ZGPAT: variants seen among roughly 807,000 people sequenced by gnomAD.
ZGPAT encodes the protein zinc finger CCCH-type and G-patch domain containing.
A neutral mutation model predicts 47.9 loss-of-function variants in ZGPAT; 39 were observed. That is an observed-to-expected ratio of 0.81 (90% CI 0.63 to 1.06). ZGPAT has a LOEUF of 1.06. ZGPAT is among the 50% of genes least tolerant of loss of function. The pLI is 0.00. For missense variants in ZGPAT, 717 were observed against 681.4 expected (o/e 1.05, Z -0.58); for synonymous variants, 348 against 292.9 (o/e 1.19, Z -1.92).
chr20:63,717,167 C>A (rs2091737470), intron 2 of ZGPAT, among the ~76,000 whole-genome samples: 1 of 152,000 alleles, frequency 6.6e-6, no homozygotes, highest in Non-Finnish European at 1.5e-5. Context: ...TTTTGTTGAT[C>A]TTTTTTGTTG....
Position 63,735,002 on chromosome 20 carries a change from C to T in ZGPAT, c.992-157C>T, listed in dbSNP as rs541140181. On this transcript the variant is annotated intron_variant, in intron 5 of 6. Transcript: ENST00000355969. The stretch of plus-strand genomic sequence containing the variant: ...CCCGCGGCCACAGCACTGCCATCCC[C>T]GTGCTCCTCAGATTCCCAGGGTCCT... 164 of 1,326,128 alleles carry T rather than the reference C, an allele frequency of 1.2e-4. 2 individuals are homozygous for T. The South Asian group carries it at 1.4e-3, about 11-fold the overall frequency. The allele number at this position is 1,326,128 out of a possible 1,614,324, so 82.1% of individuals were successfully genotyped here.
At position 63,733,238 on chromosome 20, in the gene ZGPAT, GTC is replaced by G. The variant is rs772661355; in HGVS notation, c.610_611del (p.Leu204GlyfsTer2). On this transcript the variant is annotated frameshift_variant, in exon 3 of 7. Coordinates refer to ENST00000355969, the MANE Select transcript of ZGPAT (RefSeq NM_181485.3). LOFTEE classifies it high-confidence loss of function. ...CTGCAGGTTCTCCCATGGGCAGGTG[GTC>G]TCTCTGGATGAGCTGCGCCCCTTCC... is the stretch of plus-strand genomic sequence containing the variant. ...ENCRFSHGQV[V>X]SLDELRPFQD... The G allele has an allele frequency of 1.5e-5, 25 of 1,613,560 alleles. No homozygotes were observed. The highest frequency in any genetic ancestry group is 4.0e-5 in the African/African-American group (3 of 74,904).
chr20:63,726,480 C>T (rs1448838168), intron 2 of ZGPAT, among the ~76,000 whole-genome samples: 1 of 150,494 alleles, frequency 6.6e-6, no homozygotes, highest in Non-Finnish European at 1.5e-5. Context: ...GGATTACAGG[C>T]ATGAGCCCGG....
At chr20:63,712,835 G>A (rs534580382) in intron 2 of ZGPAT, among the ~76,000 whole-genome samples, 14 of 152,218 alleles carry the variant, frequency 9.2e-5, no homozygotes, top group Admixed American at 9.2e-4. Context: ...GGAGGAGGTT[G>A]CAGTGAGCTG....
chr20:63,732,507 G>A (rs1182920894), intron 2 of ZGPAT, among the ~76,000 whole-genome samples: 1 of 143,552 alleles, frequency 7.0e-6, no homozygotes, highest in Non-Finnish European at 1.6e-5. Context: ...GTGAGGGCAC[G>A]TGTGCGCGCG....
chr20:63,735,853 T>G lies in ZGPAT; in HGVS notation c.1470T>G (p.Ala490=), dbSNP rs2091984923. The G allele has an allele frequency of 1.2e-6, 2 of 1,612,766 alleles. No homozygotes were observed. The highest frequency in any genetic ancestry group is 1.3e-5 in the African/African-American group (1 of 75,052). The part of the protein sequence containing the change: ...GAQRQLGQLR[A]QEAGLQQEQR... ...AGCGCCAGCTGGGGCAGCTCCGGGC[T>G]CAGGAAGCCGGCCTGCAGCAGGAGC... Residue 490 remains alanine (A), a synonymous_variant, in exon 7 of 7, where the codon GCT becomes GCG. Coordinates refer to ENST00000355969, the MANE Select transcript of ZGPAT (RefSeq NM_181485.3).
intron 2 of ZGPAT, among the ~76,000 whole-genome samples, chr20:63,724,363 T>TAAAAAAAA (rs59890523): frequency 1.6e-5 from 2 of 124,654 alleles, no homozygotes; most frequent in African/African-American, 6.1e-5. Context: ...AGACTCTGCC[T>TAAAAAAAA]AAAAAAAAAA....
intron 2 of ZGPAT, among the ~76,000 whole-genome samples, chr20:63,724,923 T>A (rs528238896): frequency 6.6e-6 from 1 of 151,712 alleles, no homozygotes; most frequent in African/African-American, 2.4e-5. Context: ...GATCTGCCTG[T>A]CCTGGCCTCC....
chr20:63,712,859 G>A (rs1175694716), intron 2 of ZGPAT, among the ~76,000 whole-genome samples: 1 of 152,016 alleles, frequency 6.6e-6, no homozygotes, highest in African/African-American at 2.4e-5. Context: ...TCATGCCACT[G>A]CACTCCAGCC....
At chr20:63,715,637 G>T (rs1033400282) in intron 2 of ZGPAT, among the ~76,000 whole-genome samples, 2 of 152,128 alleles carry the variant, frequency 1.3e-5, no homozygotes, top group African/African-American at 4.8e-5. Flanking sequence ...CATCTGTATT[G>T]ATAAGGGATA....
At chr20:63,709,331 G>C (rs1208569773) in intron 2 of ZGPAT, among the ~76,000 whole-genome samples, 167 bp downstream of exon 2, 1 of 152,162 alleles carries the variant, frequency 6.6e-6, no homozygotes, top group Non-Finnish European at 1.5e-5. Context: ...CTTCCTTCTG[G>C]GGTGAATCAA....
At chr20:63,733,153 G>A in intron 2 of ZGPAT, 66 bp from the exon 3 acceptor site, 8 of 1,582,808 alleles carry the variant, frequency 5.1e-6, no homozygotes, top group Non-Finnish European at 6.9e-6. Context: ...ATGGGTCAGT[G>A]CTCCTGGGTT....
intron 2 of ZGPAT, among the ~76,000 whole-genome samples, chr20:63,722,271 G>A (rs902835480): frequency 9.9e-5 from 15 of 152,226 alleles, no homozygotes; most frequent in Non-Finnish European, 2.2e-4. Flanking sequence ...TAGCCCAGCT[G>A]TCCTCCTGAA....
intron 2 of ZGPAT, among the ~76,000 whole-genome samples, chr20:63,723,617 A>G (rs1055190631): frequency 6.7e-6 from 1 of 149,280 alleles, no homozygotes; most frequent in Non-Finnish European, 1.5e-5. Context: ...CTCCTCTGAC[A>G]TAGTTCCATC....
chr20:63,715,987 T>TG (rs1347375994), intron 2 of ZGPAT, among the ~76,000 whole-genome samples: 1 of 152,208 alleles, frequency 6.6e-6, no homozygotes, highest in African/African-American at 2.4e-5. Flanking sequence ...CATTGGAAGT[T>TG]TTTTGACTAC....
intron 2 of ZGPAT, among the ~76,000 whole-genome samples, chr20:63,729,589 AG>A (rs982011559): frequency 1.3e-5 from 2 of 151,792 alleles, no homozygotes; most frequent in Non-Finnish European, 2.9e-5. Flanking sequence ...TTTCTGTGTG[AG>A]GGGGGGCTCT....
At chr20:63,734,861 C>A in intron 5 of ZGPAT, 37 bp downstream of exon 5, 1 of 1,541,836 alleles carries the variant, frequency 6.5e-7, no homozygotes, top group Non-Finnish European at 8.7e-7. Context: ...GGGCAGGCTG[C>A]TGCAGCATAG....
chr20:63,715,548 T>C (rs868392630), intron 2 of ZGPAT, among the ~76,000 whole-genome samples: 9 of 152,172 alleles, frequency 5.9e-5, no homozygotes, highest in Non-Finnish European at 1.0e-4. Context: ...CTTATCTTTT[T>C]AACAGTTAAA....
At chr20:63,724,233 G>A (rs1208444558) in intron 2 of ZGPAT, among the ~76,000 whole-genome samples, 2 of 152,050 alleles carry the variant, frequency 1.3e-5, no homozygotes, top group Admixed American at 6.6e-5. Flanking sequence ...GGGTGTGGTG[G>A]TGGGTGTCTG....
Sources: gnomAD v4.1 joint callset for allele counts (sites outside exome capture counted in the v4.1 genomes callset) on GRCh38, gnomAD v4.1.1 for gene constraint, MANE v1.5 for transcripts, NCBI Gene and HGNC (gene_info 2026-07-23, HGNC 2026-07-21) for gene names.